Variants in PTPRN2 observed in about 807,000 individuals in gnomAD.
PTPRN2 encodes the protein protein tyrosine phosphatase receptor type N2.
Under a neutral mutation model 118.8 loss-of-function variants are expected in PTPRN2, and 74 were observed. That is an observed-to-expected ratio of 0.62 (90% CI 0.52 to 0.76). The LOEUF (loss-of-function observed/expected upper bound fraction) is 0.76, where lower values mean the gene tolerates loss of function less well. Among genes scored for constraint, PTPRN2 ranks in the 30% least tolerant of loss-of-function variants. The pLI is 0.00. For synonymous variants in PTPRN2, 641 were observed against 608.0 expected, an observed-to-expected ratio of 1.05 and a Z score of -0.80; for missense variants, 1,481 against 1,394.4, an observed-to-expected ratio of 1.06 and a Z score of -0.99.
intron 11 of PTPRN2, among the ~76,000 whole-genome samples, chr7:157,917,998 C>A (rs886704823): frequency 2.6e-5 from 4 of 152,044 alleles, no homozygotes; most frequent in African/African-American, 4.8e-5. Flanking sequence ...GGCCACATTC[C>A]CCCATCTACA....
At chr7:158,413,631 C>T (rs1403262764) in intron 2 of PTPRN2, among the ~76,000 whole-genome samples, 3 of 152,228 alleles carry the variant, frequency 2.0e-5, no homozygotes, top group Non-Finnish European at 4.4e-5. Flanking sequence ...CCTCAGCAGG[C>T]GAGCCCACCC....
intron 2 of PTPRN2, among the ~76,000 whole-genome samples, chr7:158,443,471 C>G (rs1358003066): frequency 6.6e-6 from 1 of 152,222 alleles, no homozygotes; most frequent in Admixed American, 6.5e-5. Context: ...GGCTGCCCGC[C>G]GCCTGGTCAG....
intron 21 of PTPRN2, among the ~76,000 whole-genome samples, chr7:157,559,565 A>G (rs1260145446): frequency 6.6e-6 from 1 of 152,160 alleles, no homozygotes; most frequent in African/African-American, 2.4e-5. Flanking sequence ...TGTGAGCAAG[A>G]TGCGCACAGA....
At chr7:158,386,861 A>C (rs562813984) in intron 2 of PTPRN2, among the ~76,000 whole-genome samples, 3 of 152,222 alleles carry the variant, frequency 2.0e-5, no homozygotes, top group South Asian at 4.2e-4. Context: ...CTAGGAGATG[A>C]ATGGGAAGGT....
At chr7:157,985,914 A>C (rs1232843019) in intron 11 of PTPRN2, among the ~76,000 whole-genome samples, 2 of 152,052 alleles carry the variant, frequency 1.3e-5, no homozygotes, top group Non-Finnish European at 2.9e-5. Context: ...GAGCAGGGAG[A>C]CCAGCCAGAC....
Position 158,249,071 on chromosome 7 carries a change from TACAC to T in PTPRN2, c.278-43802_278-43799del, listed in dbSNP as rs561643978. ...CACACGTGCACCCACATCACACACATACACCACACACACCACACATATGCACACA... is the reference window on the plus strand; with the variant it reads ...CACACGTGCACCCACATCACACACATCACACACACCACACATATGCACACA... On this transcript the variant is annotated intron_variant, in intron 3 of 22. Transcript: ENST00000389418. Among the ~76,000 whole-genome samples, 456 of 142,770 alleles carry T rather than the reference TACAC, an allele frequency of 3.2e-3. 1 individual carries two copies. The highest frequency in any genetic ancestry group is 6.5e-3 in the Admixed American group (93 of 14,330). 93.7% of individuals were successfully genotyped at this position (142,770 alleles called of 152,430 possible).
intron 12 of PTPRN2, among the ~76,000 whole-genome samples, chr7:157,820,325 C>A (rs1269207397): frequency 2.0e-5 from 3 of 151,578 alleles, no homozygotes; most frequent in Non-Finnish European, 4.4e-5. Flanking sequence ...CGTTCACACA[C>A]ACAACACAGT....
At chr7:158,150,845 C>A (rs1218906546) in intron 6 of PTPRN2, among the ~76,000 whole-genome samples, 1 of 152,052 alleles carries the variant, frequency 6.6e-6, no homozygotes, top group Non-Finnish European at 1.5e-5. Context: ...CCCAGCCACT[C>A]TGGCCTCCTT....
chr7:157,696,633 C>A (rs1186206534), intron 12 of PTPRN2, among the ~76,000 whole-genome samples: 2 of 147,910 alleles, frequency 1.4e-5, no homozygotes, highest in East Asian at 4.1e-4. Flanking sequence ...CCCATGCATA[C>A]TGGGTCTTAG....
intron 11 of PTPRN2, among the ~76,000 whole-genome samples, chr7:157,940,687 CA>C (rs1366550943): frequency 1.4e-5 from 2 of 142,094 alleles, no homozygotes; most frequent in Non-Finnish European, 3.0e-5. Context: ...TCCCCGAAGA[CA>C]CTGCAAATCT....
Position 158,441,837 on chromosome 7 carries a change from C to T in PTPRN2, c.163+47898G>A, listed in dbSNP as rs1272761924. 4.3e-3 allele frequency among the ~76,000 whole-genome samples: 433 copies of T among 99,756 alleles called. 1 individual carries two copies. The highest frequency in any genetic ancestry group is 0.01 in the African/African-American group (244 of 23,428). The allele number at this position is 99,756 out of a possible 152,430, so 65.4% of individuals were successfully genotyped here. A position where few individuals can be genotyped will look rare whatever the true frequency, so the allele number is the denominator to read the frequency against. On this transcript the variant is annotated intron_variant, in intron 2 of 22. Coordinates refer to ENST00000389418, the MANE Select transcript of PTPRN2 (RefSeq NM_002847.5). ...GTGATGGTGATAGTGATGGTCATGG[C>T]AGTGGTGGTGATGGTGATAGTGATG...
chr7:157,621,293 G>A lies in PTPRN2; in HGVS notation c.2344+69C>T, dbSNP rs79071426. The A allele has an allele frequency of 2.5e-3, 2,701 of 1,084,166 alleles. 37 individuals carry two copies. The East Asian group carries it at 0.05, about 20-fold the overall frequency. The allele number at this position is 1,084,166 out of a possible 1,614,324, so 67.2% of individuals were successfully genotyped here. A position where few individuals can be genotyped will look rare whatever the true frequency, so the allele number is the denominator to read the frequency against. On this transcript the variant is annotated intron_variant, in intron 15 of 22. Coordinates refer to ENST00000389418, the MANE Select transcript of PTPRN2 (RefSeq NM_002847.5). ...GGCCTCCTGCCCTCGGGCCTGGTAT[G>A]TACAGGTCAGCACGGCCAGTTTCCA...
At chr7:158,005,119 G>A (rs1377836511) in intron 11 of PTPRN2, among the ~76,000 whole-genome samples, 6 of 150,202 alleles carry the variant, frequency 4.0e-5, no homozygotes, top group Non-Finnish European at 8.8e-5. Flanking sequence ...TTGTTGCCCA[G>A]GCTGGAGTGC....
intron 13 of PTPRN2, among the ~76,000 whole-genome samples, chr7:157,668,434 G>A (rs187909121): frequency 1.5e-3 from 223 of 152,352 alleles, no homozygotes; most frequent in Non-Finnish European, 2.7e-3. Context: ...CCGAGTGTGC[G>A]CACAGAGAGC....
chr7:158,411,147 G>T (rs945231353), intron 2 of PTPRN2, among the ~76,000 whole-genome samples: 5 of 152,104 alleles, frequency 3.3e-5, no homozygotes, highest in African/African-American at 9.7e-5. Flanking sequence ...TGTGTCATGG[G>T]ACCCTTCACA....
chr7:157,834,925 T>C (rs1239301107), intron 12 of PTPRN2, among the ~76,000 whole-genome samples: 1 of 152,212 alleles, frequency 6.6e-6, no homozygotes, highest in Non-Finnish European at 1.5e-5. Context: ...CCTGTCCGCC[T>C]ACTCCCCGAG....
chr7:157,560,511 A>T lies in PTPRN2; in HGVS notation c.2902+8391T>A, dbSNP rs1319655476. Among the ~76,000 whole-genome samples the T allele has an allele frequency of 6.6e-6, 1 of 152,032 alleles. No individual in the cohort carries two copies. The highest frequency in any genetic ancestry group is 6.5e-5 in the Admixed American group (1 of 15,268). ...CCAGCGTTCGTCGTCAGCCCCTTAC[A>T]CGGGACAGGGCACTGCAGACCGGCC... is the stretch of plus-strand genomic sequence containing the variant. On this transcript the variant is annotated intron_variant, in intron 21 of 22. Transcript: ENST00000389418. The surrounding 1 kb of genome is among the most constrained non-coding windows in gnomAD (Gnocchi z 6.7).
chr7:158,337,253 G>A (rs1177032839), intron 2 of PTPRN2, among the ~76,000 whole-genome samples: 1 of 151,112 alleles, frequency 6.6e-6, no homozygotes, highest in Non-Finnish European at 1.5e-5. Context: ...CATAAGAGCT[G>A]ACACCTGCAG....
intron 2 of PTPRN2, among the ~76,000 whole-genome samples, chr7:158,479,078 G>A (rs1820472779): frequency 6.6e-6 from 1 of 152,082 alleles, no homozygotes; most frequent in Admixed American, 6.5e-5. Flanking sequence ...GGGCAGAAGA[G>A]GTAAAGAACA....
Sources: allele counts gnomAD v4.1 joint callset (sites outside exome capture counted in the v4.1 genomes callset), GRCh38; gene constraint gnomAD v4.1.1; non-coding constraint Gnocchi (gnomAD v3.1); transcripts MANE v1.5; gene names NCBI Gene and HGNC (gene_info 2026-07-23, HGNC 2026-07-21).